Variants in EVL observed in about 807,000 individuals in gnomAD.
The protein encoded by EVL is ena/VASP-like protein.
In EVL, 21 loss-of-function variants were observed where a neutral mutation model predicts 59.6. The observed-to-expected ratio is 0.35, with a 90% CI of 0.25 to 0.51. The LOEUF is 0.51. EVL is among the 20% of genes least tolerant of loss of function. The pLI is 0.97. For synonymous variants in EVL, 198 were observed against 203.5 expected, an observed-to-expected ratio of 0.97 and a Z score of 0.23; for missense variants, 462 against 546.6, an observed-to-expected ratio of 0.85 and a Z score of 1.54.
chr14:100,030,907 T>C (rs2061304547), intron 1 of EVL, among the ~76,000 whole-genome samples: 1 of 152,212 alleles, frequency 6.6e-6, no homozygotes, highest in Admixed American at 6.5e-5. Context: ...CCTATTTCAT[T>C]ATCCTTGGAG....
chr14:100,035,377 G>A (rs1310665225), intron 1 of EVL, among the ~76,000 whole-genome samples: 1 of 149,490 alleles, frequency 6.7e-6, no homozygotes, highest in African/African-American at 2.5e-5. Flanking sequence ...TCCCTCAGAT[G>A]GGGCCATCTG....
At position 100,000,410 on chromosome 14, in the gene EVL, C is replaced by T. The variant is rs564597009; in HGVS notation, c.5+28353C>T. Among the ~76,000 whole-genome samples the T allele has an allele frequency of 9.1e-5, 13 of 142,886 alleles. No individual in the cohort carries two copies. In the South Asian group the frequency reaches 1.1e-3, roughly 12 times the overall value. The allele number at this position is 142,886 out of a possible 152,430, so 93.7% of individuals were successfully genotyped here. On this transcript the variant is annotated intron_variant, in intron 1 of 13. Coordinates refer to the EVL transcript ENST00000402714. The stretch of plus-strand genomic sequence containing the variant: ...TCACCCAGGCTGGAGTGCAGTGGCG[C>T]GATCTCTGCTCACTGCAACTTCCGC...
intron 2 of EVL, among the ~76,000 whole-genome samples, chr14:100,095,042 A>AAAAAC (rs898015508): frequency 2.6e-5 from 4 of 152,234 alleles, no homozygotes; most frequent in South Asian, 2.1e-4. Context: ...CTCCGTCTAA[A>AAAAAC]AAAACAAAAC....
At chr14:100,017,478 T>C (rs1268870547) in intron 1 of EVL, among the ~76,000 whole-genome samples, 3 of 152,250 alleles carry the variant, frequency 2.0e-5, no homozygotes, top group African/African-American at 7.2e-5. Flanking sequence ...GATACTTATG[T>C]AACTTAATAT....
At chr14:100,038,607 TTATTAATTGAAAAA>T (rs142311017) in intron 1 of EVL, among the ~76,000 whole-genome samples, 2,686 of 152,346 alleles carry the variant, frequency 0.018, 35 homozygotes, top group Non-Finnish European at 0.026. Flanking sequence ...TAAGCTAGTT[TTATTAATTGAAAAA>T]TTATTAACTG....
chr14:99,993,392 T>G (rs1191010), intron 1 of EVL, among the ~76,000 whole-genome samples: 2 of 152,034 alleles, frequency 1.3e-5, no homozygotes, highest in East Asian at 3.9e-4. Context: ...GAATTCAGTT[T>G]GTTAGTATTT....
At chr14:100,133,891 C>T (rs1193860868) in intron 8 of EVL, among the ~76,000 whole-genome samples, 2 of 152,168 alleles carry the variant, frequency 1.3e-5, no homozygotes, top group East Asian at 1.9e-4. Flanking sequence ...GAGCAGAGAT[C>T]GCACCATTGC....
intron 1 of EVL, among the ~76,000 whole-genome samples, chr14:100,015,449 A>C (rs1447017255): frequency 6.6e-6 from 1 of 152,216 alleles, no homozygotes; most frequent in Non-Finnish European, 1.5e-5. Flanking sequence ...TCACATGTCC[A>C]GTAACTGCAG....
chr14:100,111,147 CATT>C (rs1322516184), intron 3 of EVL, among the ~76,000 whole-genome samples: 42 of 117,244 alleles, frequency 3.6e-4, no homozygotes, highest in East Asian at 3.3e-3. Flanking sequence ...TTAGTGTCCT[CATT>C]TTTTTTTTTT....
At chr14:100,103,643 G>GT (rs999720448) in intron 3 of EVL, among the ~76,000 whole-genome samples, 35 of 151,996 alleles carry the variant, frequency 2.3e-4, no homozygotes, top group Admixed American at 1.3e-4. Flanking sequence ...AGGATGAGGC[G>GT]CCCCTTCTAT....
chr14:100,124,921 G>C (rs1270924402), intron 4 of EVL, among the ~76,000 whole-genome samples: 1 of 152,054 alleles, frequency 6.6e-6, no homozygotes, highest in Admixed American at 6.6e-5. Flanking sequence ...TCCCAAGGCA[G>C]GACCACACAC....
In EVL at chr14:100,114,155, G is replaced by A. The variant is rs1258131403; in HGVS notation, c.359-9384G>A. Among the ~76,000 whole-genome samples, 1 of 121,582 alleles carries A rather than the reference G, an allele frequency of 8.2e-6. No individual in the cohort carries two copies. The highest frequency in any genetic ancestry group is 2.7e-5 in the African/African-American group (1 of 37,296). The allele number at this position is 121,582 out of a possible 152,430, so 79.8% of individuals were successfully genotyped here. The stretch of plus-strand genomic sequence containing the variant: ...CATTTCATGGAGTCCAGCAAGGAGC[G>A]AAGCGAAGGAGGGCCGGGGGGGAAT... On this transcript the variant is annotated intron_variant, in intron 3 of 13. Transcript: ENST00000392920. The surrounding 1 kb of genome is among the most constrained non-coding windows in gnomAD (Gnocchi z 5.0).
At chr14:100,014,997 A>G (rs868544772) in intron 1 of EVL, among the ~76,000 whole-genome samples, 7 of 152,240 alleles carry the variant, frequency 4.6e-5, no homozygotes, top group Non-Finnish European at 8.8e-5. Context: ...GTGAATGTGC[A>G]TATTAGTAAA....
chr14:100,019,514 G>A, intron 1 of EVL: 1 of 621,646 alleles, frequency 1.6e-6, no homozygotes, highest in Non-Finnish European at 2.6e-6. Flanking sequence ...GCAGGCCCCT[G>A]TCTGCAGAAA....
chr14:100,087,941 T>A (rs1024422960), intron 2 of EVL, among the ~76,000 whole-genome samples: 6 of 152,166 alleles, frequency 3.9e-5, no homozygotes. Context: ...GATATTTACT[T>A]GAAGAAGATA....
intron 3 of EVL, among the ~76,000 whole-genome samples, chr14:100,122,641 G>C (rs1429246284): frequency 1.3e-5 from 2 of 152,188 alleles, no homozygotes; most frequent in African/African-American, 4.8e-5. Context: ...TCCCCATCTT[G>C]TCAGGGAGGT....
intron 1 of EVL, among the ~76,000 whole-genome samples, chr14:100,011,142 A>G (rs539007660): frequency 6.6e-6 from 1 of 152,370 alleles, no homozygotes; most frequent in Admixed American, 6.5e-5. Context: ...GGAATAGATG[A>G]TAAGCTATGT....
chr14:100,085,153 A>G (rs2062412307), intron 2 of EVL: 1 of 251,296 alleles, frequency 4.0e-6, no homozygotes, highest in African/African-American at 2.2e-5. Flanking sequence ...AAAGCTTTGA[A>G]AAAATAATAT....
At chr14:100,076,247 C>T (rs536438107) in intron 1 of EVL, among the ~76,000 whole-genome samples, 4 of 152,348 alleles carry the variant, frequency 2.6e-5, no homozygotes, top group South Asian at 2.1e-4. Context: ...TGTGATCAGA[C>T]GGGTCCTTCC....
Sources: allele counts gnomAD v4.1 joint callset (sites outside exome capture counted in the v4.1 genomes callset), GRCh38; gene constraint gnomAD v4.1.1; non-coding constraint Gnocchi (gnomAD v3.1); transcripts MANE v1.5; gene names NCBI Gene and HGNC (gene_info 2026-07-23, HGNC 2026-07-21).